The following IMPG2 variants were observed in gnomAD, a reference collection of about 807,000 sequenced individuals.
The protein encoded by IMPG2 is interphotoreceptor matrix proteoglycan 2.
A neutral mutation model predicts 129.2 loss-of-function variants in IMPG2; 91 were observed. The observed-to-expected ratio is 0.70, with a 90% CI of 0.59 to 0.84. IMPG2 has a LOEUF of 0.84. Ranked by LOEUF, IMPG2 falls within the 40% of genes least tolerant of loss-of-function variation. The pLI, the probability that IMPG2 is intolerant of heterozygous loss-of-function variation, is 0.00. For missense variants in IMPG2, 1,430 were observed against 1,461.7 expected (o/e 0.98, Z 0.35); for synonymous variants, 510 against 517.7 (o/e 0.99, Z 0.20).
chr3:101,231,285 CA>C lies in IMPG2; in HGVS notation c.3234-141del. The C allele has an allele frequency of 3.7e-6, 3 of 814,372 alleles. No individual in the cohort carries two copies. The South Asian group carries it at 4.3e-5, about 12-fold the overall frequency. 50.4% of individuals were successfully genotyped at this position (814,372 alleles called of 1,614,324 possible). A position where few individuals can be genotyped will look rare whatever the true frequency, so the allele number is the denominator to read the frequency against. Reference sequence around the variant, plus strand: ...GAAGCTTCATAAAGAGTTGAATAGACAGATTAAAAGATCATACAATTTAAGG... The same window carrying C: ...GAAGCTTCATAAAGAGTTGAATAGACGATTAAAAGATCATACAATTTAAGG... On this transcript the variant is annotated intron_variant, in intron 15 of 18. Coordinates refer to ENST00000193391, the MANE Select transcript of IMPG2 (RefSeq NM_016247.4).
chr3:101,311,179 T>TA (rs34222157), intron 2 of IMPG2, among the ~76,000 whole-genome samples: 104,987 of 142,710 alleles, frequency 0.74, 38,605 homozygotes, highest in East Asian at 0.83. Context: ...TACAACTAGG[T>TA]AAAAAAAAAA....
intron 14 of IMPG2, among the ~76,000 whole-genome samples, chr3:101,242,191 A>G (rs984140645): frequency 6.6e-6 from 1 of 152,166 alleles, no homozygotes. Context: ...AGCTATCTTA[A>G]ATTTGATATA....
intron 9 of IMPG2, among the ~76,000 whole-genome samples, chr3:101,260,543 TA>T (rs1706658344): frequency 6.6e-6 from 1 of 151,848 alleles, no homozygotes; most frequent in Non-Finnish European, 1.5e-5. Flanking sequence ...CCTTGCTCTT[TA>T]TTAGCCTTCA....
chr3:101,287,148 T>C (rs1451485481), intron 4 of IMPG2, among the ~76,000 whole-genome samples: 1 of 152,148 alleles, frequency 6.6e-6, no homozygotes, highest in Non-Finnish European at 1.5e-5. Context: ...ACAGAATCTA[T>C]TGGAACAAAA....
intron 15 of IMPG2, among the ~76,000 whole-genome samples, 178 bp from the exon 16 acceptor site, chr3:101,231,323 G>A (rs1029333964): frequency 6.6e-6 from 1 of 152,216 alleles, no homozygotes; most frequent in African/African-American, 2.4e-5. Context: ...AGTGAATAAA[G>A]CCCAGCACAG....
intron 4 of IMPG2, among the ~76,000 whole-genome samples, chr3:101,281,332 T>C (rs1037484345): frequency 5.9e-5 from 9 of 152,076 alleles, no homozygotes; most frequent in Non-Finnish European, 1.3e-4. Flanking sequence ...CATGTTTAAA[T>C]ACTAATGGGA....
In IMPG2 at chr3:101,226,266, T is replaced by TGC. The variant is rs1706222937; in HGVS notation, c.*702_*703insGC. 3 of 43,704 alleles carry TGC rather than the reference T, an allele frequency of 6.9e-5. No homozygotes were observed. Among genetic ancestry groups the TGC allele is most frequent in the South Asian group, 1.3e-3 (2 of 1,562 alleles). The allele number at this position is 43,704 out of a possible 1,614,324, so 2.7% of individuals were successfully genotyped here. ...ATATATATATATATATATATATATA[T>TGC]ATATATATATATATGCATTCATCCT... On this transcript the variant is annotated 3_prime_UTR_variant, in exon 19 of 19. Coordinates refer to ENST00000193391, the MANE Select transcript of IMPG2 (RefSeq NM_016247.4).
At chr3:101,239,990 C>T (rs1275675129) in intron 14 of IMPG2, among the ~76,000 whole-genome samples, 2 of 151,838 alleles carry the variant, frequency 1.3e-5, no homozygotes, top group Admixed American at 6.6e-5. Context: ...ATGGGTGCAG[C>T]AAACCACCAT....
chr3:101,318,405 T>C (rs1355033155), intron 2 of IMPG2, among the ~76,000 whole-genome samples: 3 of 151,884 alleles, frequency 2.0e-5, no homozygotes, highest in Non-Finnish European at 4.4e-5. Context: ...CCAAATACAA[T>C]CAAGAAATAG....
At chr3:101,284,063 C>T (rs570771958) in intron 4 of IMPG2, among the ~76,000 whole-genome samples, 24 of 152,202 alleles carry the variant, frequency 1.6e-4, no homozygotes, top group African/African-American at 5.8e-4. Context: ...AATCTACAGG[C>T]AACAGAATTT....
At position 101,276,729 on chromosome 3, in the gene IMPG2, T is replaced by C; in HGVS notation, c.534-16A>G. The C allele has an allele frequency of 6.3e-7, 1 of 1,598,132 alleles. No individual in the cohort carries two copies. Among genetic ancestry groups the C allele is most frequent in the South Asian group, 1.1e-5 (1 of 90,448 alleles). The stretch of plus-strand genomic sequence containing the variant: ...CAGTTCAGAGCTAGAAAAAAAAATG[T>C]TTGCAGTTAATAAAATGACAGACAC... On this transcript the variant is annotated splice_polypyrimidine_tract_variant and intron_variant, in intron 4 of 18. Transcript: ENST00000193391.
chr3:101,230,237 G>C (rs886552103), intron 16 of IMPG2, among the ~76,000 whole-genome samples: 1 of 152,176 alleles, frequency 6.6e-6, no homozygotes, highest in African/African-American at 2.4e-5. Flanking sequence ...TCAAGTTGTA[G>C]CTCTTACAGA....
At chr3:101,247,234 G>A (rs72930572) in intron 11 of IMPG2, among the ~76,000 whole-genome samples, 3,403 of 152,232 alleles carry the variant, frequency 0.022, 120 homozygotes, top group African/African-American at 0.078. Context: ...GAAAAAACTC[G>A]TAAAATATTT....
chr3:101,282,856 C>T (rs1002717610), intron 4 of IMPG2, among the ~76,000 whole-genome samples: 1 of 152,216 alleles, frequency 6.6e-6, no homozygotes, highest in African/African-American at 2.4e-5. Context: ...ACATAACTCT[C>T]CTTCCATCAC....
In IMPG2 at chr3:101,226,624, G is replaced by A. The variant is rs886057684; in HGVS notation, c.*345C>T. ...ACCTTATTTTCCTATTGAAAAACCC[G>A]AGGCACAGTTCTTAGGAGACACCCC... On this transcript the variant is annotated 3_prime_UTR_variant, in exon 19 of 19. Coordinates refer to ENST00000193391, the MANE Select transcript of IMPG2 (RefSeq NM_016247.4). 6 of 227,846 alleles carry A rather than the reference G, an allele frequency of 2.6e-5. No individual in the cohort carries two copies. The highest frequency in any genetic ancestry group is 4.6e-5 in the African/African-American group (2 of 43,900). 14.1% of individuals were successfully genotyped at this position (227,846 alleles called of 1,614,324 possible). A position where few individuals can be genotyped will look rare whatever the true frequency, so the allele number is the denominator to read the frequency against.
chr3:101,268,105 A>T (rs193272611), intron 8 of IMPG2, among the ~76,000 whole-genome samples: 40 of 152,352 alleles, frequency 2.6e-4, no homozygotes, highest in African/African-American at 7.0e-4. Flanking sequence ...AGGTATAGAA[A>T]CTACAGACCA....
intron 11 of IMPG2, 71 bp from the exon 12 acceptor site, chr3:101,246,176 C>T (rs1706476222): frequency 7.0e-7 from 1 of 1,421,102 alleles, no homozygotes; most frequent in Admixed American, 1.8e-5. Context: ...TAAATACCAC[C>T]TATCTGTCTA....
chr3:101,267,245 G>A (rs1706729820), intron 9 of IMPG2, among the ~76,000 whole-genome samples: 1 of 152,118 alleles, frequency 6.6e-6, no homozygotes, highest in Non-Finnish European at 1.5e-5. Flanking sequence ...AAGCTCATTA[G>A]TTTACAATAT....
rs201447767 is a variant in IMPG2 at position 101,276,727 on chromosome 3, T to C, written c.534-14A>G. 1.9e-6 allele frequency: 3 copies of C among 1,593,694 alleles called. No homozygotes were observed. Among genetic ancestry groups the C allele is most frequent in the African/African-American group, 1.3e-5 (1 of 74,404 alleles). On this transcript the variant is annotated splice_polypyrimidine_tract_variant and intron_variant, in intron 4 of 18. Coordinates refer to ENST00000193391, the MANE Select transcript of IMPG2 (RefSeq NM_016247.4). ...GACAGTTCAGAGCTAGAAAAAAAAATGTTTGCAGTTAATAAAATGACAGAC... is the reference window on the plus strand; with the variant it reads ...GACAGTTCAGAGCTAGAAAAAAAAACGTTTGCAGTTAATAAAATGACAGAC...
Sources: allele counts gnomAD v4.1 joint callset (sites outside exome capture counted in the v4.1 genomes callset), GRCh38; gene constraint gnomAD v4.1.1; transcripts MANE v1.5; gene names NCBI Gene and HGNC (gene_info 2026-07-23, HGNC 2026-07-21).